The following CSMD1 variants were observed in gnomAD, a reference collection of about 807,000 sequenced individuals.
CSMD1 encodes CUB and sushi domain-containing protein 1.
A neutral mutation model predicts 417.5 loss-of-function variants in CSMD1; 213 were observed. The ratio of observed to expected loss-of-function variants is 0.51; its 90% CI spans 0.46 to 0.57. CSMD1 has a LOEUF of 0.57. CSMD1 is among the 20% of genes least tolerant of loss of function. CSMD1 has a pLI of 0.00. For synonymous variants in CSMD1, 2,862 were observed against 1,736.8 expected (o/e 1.65, Z -16.11); for missense variants, 6,923 against 4,529.7 (o/e 1.53, Z -15.17).
chr8:4,364,893 G>A lies in CSMD1; in HGVS notation c.415+55060C>T, dbSNP rs1176828832. 2.1e-5 allele frequency among the ~76,000 whole-genome samples: 3 copies of A among 141,724 alleles called. 1 individual carries two copies. The highest frequency in any genetic ancestry group is 4.7e-5 in the Non-Finnish European group (3 of 63,904). The allele number at this position is 141,724 out of a possible 152,430, so 93.0% of individuals were successfully genotyped here. On this transcript the variant is annotated intron_variant, in intron 3 of 69. Coordinates refer to ENST00000635120, the MANE Select transcript of CSMD1 (RefSeq NM_033225.6). The stretch of plus-strand genomic sequence containing the variant: ...AAAAAGATAATCAATATAATACACT[G>A]CCTGTTACTAAAATCATAACCAAAT...
intron 3 of CSMD1, among the ~76,000 whole-genome samples, chr8:4,247,304 C>T (rs1438320990): frequency 6.6e-6 from 1 of 152,134 alleles, no homozygotes; most frequent in African/African-American, 2.4e-5. Flanking sequence ...GGTCAATTGT[C>T]TTCTCTACCA....
chr8:4,375,159 G>A (rs192309796), intron 3 of CSMD1, among the ~76,000 whole-genome samples: 3 of 152,026 alleles, frequency 2.0e-5, no homozygotes, highest in African/African-American at 7.3e-5. Flanking sequence ...ACAGTGTTAG[G>A]GTAAAATAAC....
intron 1 of CSMD1, among the ~76,000 whole-genome samples, chr8:4,794,871 A>G (rs916145707): frequency 6.6e-6 from 1 of 152,186 alleles, no homozygotes; most frequent in Non-Finnish European, 1.5e-5. Flanking sequence ...TCAGGTGATG[A>G]TGACTGCAGA....
intron 7 of CSMD1, among the ~76,000 whole-genome samples, chr8:3,664,978 T>C (rs1328910357): frequency 6.6e-6 from 1 of 152,100 alleles, no homozygotes; most frequent in East Asian, 1.9e-4. Flanking sequence ...GTGACTTTCC[T>C]ATTTTATATG....
intron 1 of CSMD1, among the ~76,000 whole-genome samples, chr8:4,920,932 G>C (rs867869880): frequency 7.4e-5 from 2 of 27,140 alleles, no homozygotes; most frequent in South Asian, 2.0e-3. Flanking sequence ...AAAAGAAAGA[G>C]AGAAAGAAAG....
intron 52 of CSMD1, among the ~76,000 whole-genome samples, chr8:3,012,266 G>T (rs1188125473): frequency 6.6e-6 from 1 of 152,136 alleles, no homozygotes; most frequent in Non-Finnish European, 1.5e-5. Flanking sequence ...ACACAGCATG[G>T]ATTGAGTTCT....
At chr8:4,874,579 T>C (rs755595958) in intron 1 of CSMD1, among the ~76,000 whole-genome samples, 1 of 151,630 alleles carries the variant, frequency 6.6e-6, no homozygotes, top group Non-Finnish European at 1.5e-5. Flanking sequence ...TTAGTAAAGA[T>C]GGGGTTTCAC....
At chr8:3,587,078 G>C (rs1281727445) in intron 8 of CSMD1, among the ~76,000 whole-genome samples, 3 of 152,192 alleles carry the variant, frequency 2.0e-5, no homozygotes, top group African/African-American at 7.2e-5. Flanking sequence ...AGGATTACAG[G>C]CGTGAGCCAC....
intron 3 of CSMD1, among the ~76,000 whole-genome samples, chr8:4,338,373 A>G (rs1563070600): frequency 6.6e-6 from 1 of 152,084 alleles, no homozygotes; most frequent in East Asian, 1.9e-4. Flanking sequence ...AAAATATCTT[A>G]TGTTTGCAAA....
chr8:4,161,330 G>A lies in CSMD1; in HGVS notation c.416-129231C>T, dbSNP rs1013005285. Among the ~76,000 whole-genome samples the A allele has an allele frequency of 5.3e-5, 8 of 152,186 alleles. No homozygotes were observed. The East Asian group carries it at 7.7e-4, about 15-fold the overall frequency. ...AGAAACAGTAAGTGACAGAATTAGGGCTAAAATCCCGGTCTCTTTGACTGT... is the reference window on the plus strand; with the variant it reads ...AGAAACAGTAAGTGACAGAATTAGGACTAAAATCCCGGTCTCTTTGACTGT... On this transcript the variant is annotated intron_variant, in intron 3 of 69. Coordinates refer to ENST00000635120, the MANE Select transcript of CSMD1 (RefSeq NM_033225.6).
chr8:2,947,087 G>C (rs569136218), intron 68 of CSMD1, among the ~76,000 whole-genome samples: 14 of 152,206 alleles, frequency 9.2e-5, no homozygotes, highest in African/African-American at 2.4e-4. Context: ...GTATTATTGA[G>C]CCATAAGAGT....
At chr8:3,662,686 G>C (rs1798481119) in intron 7 of CSMD1, among the ~76,000 whole-genome samples, 1 of 152,054 alleles carries the variant, frequency 6.6e-6, no homozygotes, top group African/African-American at 2.4e-5. Context: ...CATGTCCTTT[G>C]CAGGGACATG....
chr8:4,847,008 G>T (rs1405475876), intron 1 of CSMD1, among the ~76,000 whole-genome samples: 1 of 152,010 alleles, frequency 6.6e-6, no homozygotes, highest in African/African-American at 2.4e-5. Context: ...TGATTTGTCA[G>T]TAGAAGAAAC....
In CSMD1 at chr8:2,935,415, C is replaced by G. The variant is rs1027106388; in HGVS notation, c.*3170G>C. ...TTTGCTTTAAAGATTGGTGGCATTG[C>G]ACAGGCTATATTACACCCTCTTTAT... On this transcript the variant is annotated 3_prime_UTR_variant, in exon 70 of 70. Transcript: ENST00000635120. The G allele has an allele frequency of 6.6e-6, 1 of 152,026 alleles. No homozygotes were observed. The highest frequency in any genetic ancestry group is 1.5e-5 in the Non-Finnish European group (1 of 68,000). The allele number at this position is 152,026 out of a possible 1,614,324, so 9.4% of individuals were successfully genotyped here.
At chr8:3,887,808 G>C (rs1806667050) in intron 5 of CSMD1, among the ~76,000 whole-genome samples, 2 of 152,174 alleles carry the variant, frequency 1.3e-5, no homozygotes, top group African/African-American at 2.4e-5. Context: ...TTTTGCCTCT[G>C]TCTGCCTCCG....
chr8:4,008,807 T>C (rs1816333889), intron 4 of CSMD1, among the ~76,000 whole-genome samples: 1 of 151,864 alleles, frequency 6.6e-6, no homozygotes, highest in Admixed American at 6.6e-5. Context: ...AGACGGGATT[T>C]CAATGTGTTA....
At chr8:3,657,186 T>G (rs895434657) in intron 7 of CSMD1, among the ~76,000 whole-genome samples, 1 of 152,208 alleles carries the variant, frequency 6.6e-6, no homozygotes, top group African/African-American at 2.4e-5. Flanking sequence ...AGGAAGATGC[T>G]GCAGGATCTA....
chr8:3,072,788 C>G (rs747447708), intron 49 of CSMD1, among the ~76,000 whole-genome samples: 1 of 152,136 alleles, frequency 6.6e-6, no homozygotes, highest in African/African-American at 2.4e-5. Flanking sequence ...GTTAGCACAG[C>G]TTGCCGAATA....
intron 7 of CSMD1, among the ~76,000 whole-genome samples, chr8:3,678,053 T>C (rs1215158333): frequency 1.3e-5 from 2 of 151,848 alleles, no homozygotes; most frequent in Non-Finnish European, 2.9e-5. Context: ...AGTGGGAGGG[T>C]GGTTCAAAGA....
Sources: gnomAD v4.1 joint callset for allele counts (sites outside exome capture counted in the v4.1 genomes callset) on GRCh38, gnomAD v4.1.1 for gene constraint, MANE v1.5 for transcripts, NCBI Gene and HGNC (gene_info 2026-07-23, HGNC 2026-07-21) for gene names.